SPPL2A: variants seen among roughly 807,000 people sequenced by gnomAD.
SPPL2A encodes signal peptide peptidase like 2A, also known as signal peptide peptidase-like 2A.
SPPL2A carries 51 observed loss-of-function variants against 63.8 expected under a neutral mutation model. That is an observed-to-expected ratio of 0.80 (90% CI 0.64 to 1.01). The LOEUF (loss-of-function observed/expected upper bound fraction) is 1.01, where lower values mean the gene tolerates loss of function less well. Among genes scored for constraint, SPPL2A ranks in the 50% least tolerant of loss-of-function variants. The pLI is 0.00. For missense variants in SPPL2A, 553 were observed against 622.7 expected, an observed-to-expected ratio of 0.89 and a Z score of 1.19; for synonymous variants, 188 against 205.8, an observed-to-expected ratio of 0.91 and a Z score of 0.74.
At chr15:50,716,431 G>A (rs1468865155) in intron 14 of SPPL2A, among the ~76,000 whole-genome samples, 1 of 152,136 alleles carries the variant, frequency 6.6e-6, no homozygotes, top group South Asian at 2.1e-4. Flanking sequence ...CTGACCCCAG[G>A]TGATCTGCCC....
At chr15:50,753,901 A>G (rs1596397606) in intron 1 of SPPL2A, among the ~76,000 whole-genome samples, 1 of 152,160 alleles carries the variant, frequency 6.6e-6, no homozygotes, top group East Asian at 1.9e-4. Flanking sequence ...AGTTCAAGCA[A>G]TTGTCCTGCC....
intron 6 of SPPL2A, 46 bp from the exon 7 acceptor site, chr15:50,736,786 T>A: frequency 1.1e-6 from 1 of 935,358 alleles, no homozygotes; most frequent in African/African-American, 1.6e-5. Flanking sequence ...GAAGGAAAGG[T>A]GATAAGAAAA....
At chr15:50,764,052 C>T (rs1013086535) in intron 1 of SPPL2A, among the ~76,000 whole-genome samples, 2 of 152,106 alleles carry the variant, frequency 1.3e-5, no homozygotes, top group Non-Finnish European at 2.9e-5. Flanking sequence ...TGAGAGGGCT[C>T]AGGGCCTTTA....
chr15:50,711,632 T>G (rs2062559559), intron 14 of SPPL2A, among the ~76,000 whole-genome samples: 1 of 152,162 alleles, frequency 6.6e-6, no homozygotes, highest in Non-Finnish European at 1.5e-5. Context: ...GGTCTCCAAG[T>G]TACAAGTGAG....
At chr15:50,718,387 C>T (rs2141023516) in intron 14 of SPPL2A, among the ~76,000 whole-genome samples, 1 of 152,034 alleles carries the variant, frequency 6.6e-6, no homozygotes, top group South Asian at 2.1e-4. Flanking sequence ...TAAACATTTG[C>T]TAAATGAAGA....
At chr15:50,762,562 G>C (rs563682490) in intron 1 of SPPL2A, among the ~76,000 whole-genome samples, 1 of 152,182 alleles carries the variant, frequency 6.6e-6, no homozygotes, top group Non-Finnish European at 1.5e-5. Flanking sequence ...GACAAGATGA[G>C]GAGGGTAGGC....
intron 14 of SPPL2A, among the ~76,000 whole-genome samples, chr15:50,717,228 G>A (rs1300478087): frequency 6.6e-6 from 1 of 152,112 alleles, no homozygotes. Context: ...CGGGCTGAGT[G>A]CAGTGGTGCA....
At chr15:50,749,443 A>G (rs1160707904) in intron 2 of SPPL2A, among the ~76,000 whole-genome samples, 193 bp downstream of exon 2, 1 of 152,048 alleles carries the variant, frequency 6.6e-6, no homozygotes, top group Non-Finnish European at 1.5e-5. Flanking sequence ...GCCTGCCACC[A>G]CACCCAGCTA....
In SPPL2A at chr15:50,719,887, A is replaced by G. The variant is rs537604248; in HGVS notation, c.1488+53T>C. 40 of 1,418,266 alleles carry G rather than the reference A, an allele frequency of 2.8e-5. No individual in the cohort carries two copies. In the East Asian group the frequency reaches 8.9e-4, roughly 32 times the overall value. 87.9% of individuals were successfully genotyped at this position (1,418,266 alleles called of 1,614,324 possible). A position where few individuals can be genotyped will look rare whatever the true frequency, so the allele number is the denominator to read the frequency against. The stretch of plus-strand genomic sequence containing the variant: ...ATATAGGCTGTTCCCACCCAAAATC[A>G]GTCAGTAAATTAAGCCATAAGATAA... On this transcript the variant is annotated intron_variant, in intron 14 of 14. Transcript: ENST00000261854.
intron 1 of SPPL2A, among the ~76,000 whole-genome samples, chr15:50,760,712 G>A (rs1050407015): frequency 6.6e-6 from 1 of 152,130 alleles, no homozygotes; most frequent in African/African-American, 2.4e-5. Context: ...GGGGCTGTTG[G>A]GGGTGTGGGG....
rs753190221 is a variant in SPPL2A, at chr15:50,720,019, G to A, written c.1409C>T (p.Pro470Leu). 6.2e-7 allele frequency: 1 copy of A among 1,613,498 alleles called. No individual in the cohort carries two copies. The highest frequency in any genetic ancestry group is 1.7e-5 in the Admixed American group (1 of 59,972). The part of the protein sequence containing the change: ...KGQPALLYLV[P>L]CTLITASVVA... ...AACTGAGGCAGTAATAAGTGTGCAA[G>A]GTACTAAATAGAGGAGAGCAGGTTG... Residue 470 changes from proline to leucine, a missense_variant, in exon 14 of 15, where the codon CCT becomes CTT. Transcript: ENST00000261854.
intron 1 of SPPL2A, among the ~76,000 whole-genome samples, chr15:50,750,922 T>C (rs189970601): frequency 2.1e-4 from 32 of 152,324 alleles, no homozygotes; most frequent in Non-Finnish European, 4.1e-4. Context: ...TTAGATTGAA[T>C]CACATGACAT....
intron 5 of SPPL2A, among the ~76,000 whole-genome samples, chr15:50,743,795 C>G (rs2062838932): frequency 1.3e-5 from 2 of 152,100 alleles, no homozygotes; most frequent in African/African-American, 2.4e-5. Context: ...AAATCAGCAG[C>G]TTTTGGAAAA....
chr15:50,761,673 C>T (rs1188950208), intron 1 of SPPL2A, among the ~76,000 whole-genome samples: 3 of 152,016 alleles, frequency 2.0e-5, no homozygotes, highest in Non-Finnish European at 2.9e-5. Context: ...CGGTGGCTCA[C>T]GCCTGTAATC....
In SPPL2A at chr15:50,732,598, A is replaced by G. The variant is rs769645604; in HGVS notation, c.1014+5T>C. The G allele has an allele frequency of 1.3e-6, 2 of 1,544,508 alleles. No homozygotes were observed. The highest frequency in any genetic ancestry group is 1.1e-5 in the South Asian group (1 of 88,852). On this transcript the variant is annotated splice_donor_5th_base_variant and intron_variant, in intron 9 of 14. Coordinates refer to ENST00000261854, the MANE Select transcript of SPPL2A (RefSeq NM_032802.4). ...TAACTAGCAAAGTAGTATTGTATAC[A>G]TTACCTTGAAGTTGGGCAACTTCAG...
At position 50,736,210 on chromosome 15, in the gene SPPL2A, A is replaced by C; in HGVS notation, c.831-8T>G. On this transcript the variant is annotated splice_region_variant and splice_polypyrimidine_tract_variant and intron_variant, in intron 7 of 14. Transcript: ENST00000261854. ...TTGCCACGACATGCAATCCTAAAAA[A>C]CAGATTAAAATAGTTAACACTGCAG... The C allele has an allele frequency of 6.4e-7, 1 of 1,551,358 alleles. No individual in the cohort carries two copies. The highest frequency in any genetic ancestry group is 2.2e-5 in the East Asian group (1 of 44,520).
intron 12 of SPPL2A, among the ~76,000 whole-genome samples, chr15:50,724,187 T>C (rs1015089507): frequency 6.6e-6 from 1 of 152,198 alleles, no homozygotes; most frequent in Non-Finnish European, 1.5e-5. Context: ...TTTCTCTCTC[T>C]ACCTGGTTTT....
At chr15:50,724,660 T>C (rs979863824) in intron 12 of SPPL2A, among the ~76,000 whole-genome samples, 26 of 152,030 alleles carry the variant, frequency 1.7e-4, no homozygotes, top group Admixed American at 5.9e-4. Context: ...AAATTATTAA[T>C]GGGCTTGGAT....
intron 14 of SPPL2A, among the ~76,000 whole-genome samples, chr15:50,709,267 C>T (rs943601398): frequency 6.6e-6 from 1 of 152,018 alleles, no homozygotes; most frequent in African/African-American, 2.4e-5. Flanking sequence ...TTCAGTATTG[C>T]GATGCACTTT....
Sources: gnomAD v4.1 joint callset for allele counts (sites outside exome capture counted in the v4.1 genomes callset) on GRCh38, gnomAD v4.1.1 for gene constraint, MANE v1.5 for transcripts, NCBI Gene and HGNC (gene_info 2026-07-23, HGNC 2026-07-21) for gene names.